The following ACP7 variants were observed in gnomAD, a reference collection of about 807,000 sequenced individuals.
ACP7 encodes acid phosphatase type 7.
In ACP7, 58 loss-of-function variants were observed where a neutral mutation model predicts 60.6. The ratio of observed to expected loss-of-function variants is 0.96; its 90% CI spans 0.77 to 1.19. The LOEUF (loss-of-function observed/expected upper bound fraction) is 1.19, where lower values mean the gene tolerates loss of function less well. Ranked by LOEUF, ACP7 falls within the 50% of genes most tolerant of loss-of-function variation. The pLI is 0.00. For synonymous variants in ACP7, 237 were observed against 232.6 expected (o/e 1.02, Z -0.17); for missense variants, 574 against 596.2 (o/e 0.96, Z 0.39).
rs371668236 is a variant in ACP7, at chr19:39,089,207, G to A, written c.121+3817G>A. ...GCCTCCCAAAGTGCTGGGATTACAG[G>A]CATGAGCCACTGTACCCGGCCCCTA... is the stretch of plus-strand genomic sequence containing the variant. On this transcript the variant is annotated intron_variant, in intron 2 of 12. Transcript: ENST00000331256. 2.0e-5 allele frequency among the ~76,000 whole-genome samples: 3 copies of A among 152,146 alleles called. 1 individual carries two copies. Among genetic ancestry groups the A allele is most frequent in the African/African-American group, 7.2e-5 (3 of 41,512 alleles).
intron 1 of ACP7, among the ~76,000 whole-genome samples, chr19:39,084,772 A>G (rs973906231): frequency 6.6e-6 from 1 of 151,718 alleles, no homozygotes; most frequent in Admixed American, 6.6e-5. Context: ...GCGGAATGCA[A>G]CCTCCTACAC....
At chr19:39,094,226 C>T (rs982643598) in intron 2 of ACP7, among the ~76,000 whole-genome samples, 11 of 151,968 alleles carry the variant, frequency 7.2e-5, no homozygotes, top group Admixed American at 6.6e-5. Context: ...GTAGGCTGGG[C>T]GTGGTGGCTC....
At chr19:39,085,475 G>C (rs2073131164) in intron 2 of ACP7, 85 bp downstream of exon 2, 1 of 1,490,108 alleles carries the variant, frequency 6.7e-7, no homozygotes, top group African/African-American at 1.4e-5. Flanking sequence ...ATCCCACACT[G>C]TGAGCCCCTA....
chr19:39,109,115 T>G (rs2073441706), intron 12 of ACP7, among the ~76,000 whole-genome samples: 1 of 152,068 alleles, frequency 6.6e-6, no homozygotes, highest in South Asian at 2.1e-4. Context: ...AGCCACCGCA[T>G]GCGGCCCCAG....
intron 11 of ACP7, 71 bp from the exon 12 acceptor site, chr19:39,106,876 C>A: frequency 6.3e-7 from 1 of 1,579,724 alleles, no homozygotes; most frequent in Non-Finnish European, 8.6e-7. Context: ...GGGTCCTGGG[C>A]TAGCAGGTCA....
Position 39,098,580 on chromosome 19 carries a change from G to A in ACP7, c.244G>A (p.Val82Met). The A allele has an allele frequency of 6.2e-7, 1 of 1,613,734 alleles. No individual in the cohort carries two copies. The highest frequency in any genetic ancestry group is 8.5e-7 in the Non-Finnish European group (1 of 1,179,852). ...LRAQGTFVPF[V>M]DGGILRRKLY... ...CGCCCAGGGCACCTTCGTCCCCTTT[G>A]TGGACGGGGGCATTCTCCGGCGGAA... The change falls in exon 3 of 13, where the codon GTG (valine) becomes ATG (methionine). Residue 82 changes from valine (V) to methionine (M), a missense_variant. Transcript: ENST00000331256.
chr19:39,103,673 C>T (rs1308559207), intron 11 of ACP7, among the ~76,000 whole-genome samples: 1 of 150,916 alleles, frequency 6.6e-6, no homozygotes, highest in African/African-American at 2.4e-5. Flanking sequence ...TCAAAAAATA[C>T]AAAATTTAGC....
At chr19:39,109,912 C>G in intron 12 of ACP7, 141 bp from the exon 13 acceptor site, 1 of 738,896 alleles carries the variant, frequency 1.4e-6, no homozygotes, top group East Asian at 2.5e-5. Context: ...ATGAGGAAAA[C>G]TGAGGCCCAG....
chr19:39,095,317 T>C (rs2073252906), intron 2 of ACP7, among the ~76,000 whole-genome samples: 1 of 152,140 alleles, frequency 6.6e-6, no homozygotes, highest in African/African-American at 2.4e-5. Context: ...AGGTATTGGG[T>C]AAATACAGCC....
At chr19:39,085,953 C>T (rs11669984) in intron 2 of ACP7, among the ~76,000 whole-genome samples, 27,796 of 152,106 alleles carry the variant, frequency 0.18, 3,161 homozygotes, top group East Asian at 0.35. Context: ...TCTCTGTCCT[C>T]AGTCTCCTCA....
chr19:39,110,195 G>GT lies in ACP7; in HGVS notation c.*78dup, dbSNP rs2073455131. The GT allele has an allele frequency of 2.1e-6, 3 of 1,429,350 alleles. No homozygotes were observed. Among genetic ancestry groups the GT allele is most frequent in the African/African-American group, 1.4e-5 (1 of 70,864 alleles). The allele number at this position is 1,429,350 out of a possible 1,614,324, so 88.5% of individuals were successfully genotyped here. On this transcript the variant is annotated 3_prime_UTR_variant, in exon 13 of 13. Transcript: ENST00000331256. Reference sequence around the variant, plus strand: ...GTGACCAGAAACTGCCCAGGCCTGGGTGGGGAGTTGGGTGGGCCCTGACTC... The same window carrying GT: ...GTGACCAGAAACTGCCCAGGCCTGGGTTGGGGAGTTGGGTGGGCCCTGACTC...
chr19:39,109,378 G>A (rs1157259073), intron 12 of ACP7, among the ~76,000 whole-genome samples: 1 of 152,078 alleles, frequency 6.6e-6, no homozygotes, highest in Non-Finnish European at 1.5e-5. Flanking sequence ...ATAGAACATG[G>A]AAGTTTTGCT....
Position 39,100,173 on chromosome 19 carries a change from A to T in ACP7, c.506-54A>T, listed in dbSNP as rs7256824. 3.6e-3 allele frequency: 5,823 copies of T among 1,601,294 alleles called. 192 individuals are homozygous for T. In the African/African-American group the frequency reaches 0.069, roughly 19 times the overall value. ...CACCATACCTGGCTCTCTCAATTCC[A>T]GTGAAAGCAGAGCTGGGCCTGGGTC... is the stretch of plus-strand genomic sequence containing the variant. On this transcript the variant is annotated intron_variant, in intron 4 of 12. Transcript: ENST00000331256.
chr19:39,093,417 C>A (rs931282077), intron 2 of ACP7, among the ~76,000 whole-genome samples: 1 of 151,890 alleles, frequency 6.6e-6, no homozygotes, highest in East Asian at 1.9e-4. Context: ...CCCTGCCCAG[C>A]TAATTTTTAT....
In ACP7 at chr19:39,085,313, T is replaced by C. The variant is rs2073128528; in HGVS notation, c.44T>C (p.Leu15Pro). The part of the protein sequence containing the change: ...PGYWSCYCLL[L>P]LFSLGVQGSL... ...TACTGGTCCTGTTACTGTCTACTCC[T>C]GCTATTCTCCTTGGGAGTCCAGGGG... is the stretch of plus-strand genomic sequence containing the variant. Residue 15 changes from leucine (L) to proline (P), a missense_variant, in exon 2 of 13, where the codon CTG becomes CCG. Physicochemically the swap from Leu to Pro is moderately conservative, Grantham distance 98. Coordinates refer to ENST00000331256, the MANE Select transcript of ACP7 (RefSeq NM_001004318.3). 1 of 1,613,664 alleles carries C rather than the reference T, an allele frequency of 6.2e-7. No homozygotes were observed. The highest frequency in any genetic ancestry group is 8.5e-7 in the Non-Finnish European group (1 of 1,179,840).
chr19:39,108,517 A>G (rs1302831576), intron 12 of ACP7, among the ~76,000 whole-genome samples: 1 of 151,942 alleles, frequency 6.6e-6, no homozygotes, highest in Non-Finnish European at 1.5e-5. Context: ...ACAGGACTAC[A>G]TGGGGGTTGA....
chr19:39,106,924 C>T (rs2073416663), intron 11 of ACP7, 23 bp from the exon 12 acceptor site: 3 of 1,612,508 alleles, frequency 1.9e-6, no homozygotes, highest in Non-Finnish European at 2.5e-6. Flanking sequence ...TGCTCTGGGT[C>T]TGATCAGTTC....
At chr19:39,102,120 T>TCTCACACA (rs1555769290) in intron 11 of ACP7, among the ~76,000 whole-genome samples, 3 of 145,760 alleles carry the variant, frequency 2.1e-5, no homozygotes, top group Non-Finnish European at 3.0e-5. Context: ...ACCCTTTCTC[T>TCTCACACA]CACACACACA....
chr19:39,087,219 C>T (rs564758803), intron 2 of ACP7, among the ~76,000 whole-genome samples: 41 of 152,040 alleles, frequency 2.7e-4, no homozygotes, highest in Non-Finnish European at 5.1e-4. Context: ...ACCATGTTGC[C>T]CAGGCTGGTC....
Sources: gnomAD v4.1 joint callset for allele counts (sites outside exome capture counted in the v4.1 genomes callset) on GRCh38, gnomAD v4.1.1 for gene constraint, MANE v1.5 for transcripts, NCBI Gene and HGNC (gene_info 2026-07-23, HGNC 2026-07-21) for gene names.